The following NCALD variants were observed in gnomAD, a reference collection of about 807,000 sequenced individuals.
NCALD encodes the protein neurocalcin-delta.
In NCALD, 10 loss-of-function variants were observed where a neutral mutation model predicts 18.6. The observed-to-expected ratio is 0.54, with a 90% CI of 0.33 to 0.91. NCALD has a LOEUF of 0.91. NCALD is among the 40% of genes least tolerant of loss of function. NCALD has a pLI of 0.03. For synonymous variants in NCALD, 88 were observed against 87.4 expected, an observed-to-expected ratio of 1.01 and a Z score of -0.04; for missense variants, 184 against 247.6, an observed-to-expected ratio of 0.74 and a Z score of 1.72.
chr8:101,716,975 A>G (rs896898398), intron 2 of NCALD, among the ~76,000 whole-genome samples: 3 of 152,214 alleles, frequency 2.0e-5, no homozygotes, highest in African/African-American at 7.2e-5. Context: ...TCTCCCCAAC[A>G]GCCTCCAGAA....
intron 4 of NCALD, among the ~76,000 whole-genome samples, chr8:101,809,523 A>G (rs1813228872): frequency 6.6e-6 from 1 of 152,098 alleles, no homozygotes; most frequent in Non-Finnish European, 1.5e-5. Flanking sequence ...GTTATAATAG[A>G]ATCTGTGTTT....
At chr8:101,781,439 CA>C (rs1586486916) in intron 1 of NCALD, among the ~76,000 whole-genome samples, 2 of 152,266 alleles carry the variant, frequency 1.3e-5, no homozygotes, top group East Asian at 3.9e-4. Flanking sequence ...TGGGAGGTGA[CA>C]AGGAGCACAA....
At chr8:101,942,806 A>G (rs1431729210) in intron 2 of NCALD, among the ~76,000 whole-genome samples, 7 of 152,224 alleles carry the variant, frequency 4.6e-5, no homozygotes, top group Non-Finnish European at 8.8e-5. Context: ...TAGGTGGTTG[A>G]GCCAGCATTT....
At chr8:101,702,757 T>C (rs755197354) in intron 2 of NCALD, among the ~76,000 whole-genome samples, 6 of 152,208 alleles carry the variant, frequency 3.9e-5, no homozygotes, top group Non-Finnish European at 8.8e-5. Flanking sequence ...TCATGGATAT[T>C]GGAGATACAG....
At chr8:102,084,755 A>G (rs1237893005) in intron 1 of NCALD, among the ~76,000 whole-genome samples, 9 of 152,108 alleles carry the variant, frequency 5.9e-5, no homozygotes. Flanking sequence ...AACTCCGGAG[A>G]TCTTATCAGG....
chr8:102,122,964 A>C (rs1825984802), intron 1 of NCALD, among the ~76,000 whole-genome samples: 1 of 152,238 alleles, frequency 6.6e-6, no homozygotes, highest in South Asian at 2.1e-4. Context: ...CCTCCTCCCC[A>C]GATCTGTCCT....
intron 4 of NCALD, among the ~76,000 whole-genome samples, chr8:101,862,516 C>T (rs1196706412): frequency 6.6e-6 from 1 of 152,138 alleles, no homozygotes; most frequent in African/African-American, 2.4e-5. Flanking sequence ...ATGCTTTTTT[C>T]TAATAGCAAA....
chr8:102,032,919 T>C (rs1434295534), intron 1 of NCALD, among the ~76,000 whole-genome samples: 2 of 152,094 alleles, frequency 1.3e-5, no homozygotes, highest in African/African-American at 4.8e-5. Context: ...ACCATTACTG[T>C]GTGTTCACCC....
At chr8:102,103,446 G>T (rs1334351325) in intron 1 of NCALD, among the ~76,000 whole-genome samples, 2 of 152,170 alleles carry the variant, frequency 1.3e-5, no homozygotes, top group African/African-American at 4.8e-5. Flanking sequence ...GCTCAGGAGG[G>T]TTAAGTAACT....
At chr8:101,894,132 T>G (rs1479315235) in intron 3 of NCALD, among the ~76,000 whole-genome samples, 3 of 142,206 alleles carry the variant, frequency 2.1e-5, no homozygotes. Context: ...CCTCAGCAAA[T>G]GTAAAAGAAC....
intron 1 of NCALD, among the ~76,000 whole-genome samples, chr8:101,772,028 C>G (rs750609817): frequency 2.6e-5 from 4 of 152,018 alleles, no homozygotes; most frequent in Non-Finnish European, 5.9e-5. Flanking sequence ...TGGTAGGGAC[C>G]TGGGAATGAG....
intron 4 of NCALD, among the ~76,000 whole-genome samples, chr8:101,796,576 T>C (rs1170163318): frequency 6.6e-6 from 1 of 151,692 alleles, no homozygotes; most frequent in Admixed American, 6.6e-5. Context: ...GCAGAGAACA[T>C]ACACAAAAAA....
chr8:101,737,400 C>T (rs369281580), intron 1 of NCALD, among the ~76,000 whole-genome samples: 9 of 152,208 alleles, frequency 5.9e-5, no homozygotes, highest in African/African-American at 1.9e-4. Flanking sequence ...TGCTCAGCCT[C>T]TTTAAGGCTC....
intron 4 of NCALD, among the ~76,000 whole-genome samples, chr8:101,841,669 C>T (rs561148474): frequency 4.9e-4 from 74 of 152,288 alleles, no homozygotes; most frequent in Non-Finnish European, 1.0e-4. Flanking sequence ...GTTCTGTAAG[C>T]GTCTATAAGC....
chr8:102,122,878 G>A (rs549134291), intron 1 of NCALD, among the ~76,000 whole-genome samples: 145 of 152,350 alleles, frequency 9.5e-4, no homozygotes, highest in African/African-American at 3.4e-3. Flanking sequence ...CTGAATGGTT[G>A]AGACAGGGGA....
chr8:102,073,257 C>T (rs906096326), intron 1 of NCALD, among the ~76,000 whole-genome samples: 15 of 151,994 alleles, frequency 9.9e-5, no homozygotes, highest in South Asian at 2.1e-4. Flanking sequence ...GCCAAGATCG[C>T]GTCACTGCAT....
chr8:101,825,118 A>G (rs531161658), intron 4 of NCALD, among the ~76,000 whole-genome samples: 2 of 152,306 alleles, frequency 1.3e-5, no homozygotes, highest in South Asian at 4.1e-4. Context: ...CTCCAGACCC[A>G]CAGGTCACCG....
chr8:101,911,807 T>C (rs1480939258), intron 3 of NCALD, among the ~76,000 whole-genome samples: 1 of 152,178 alleles, frequency 6.6e-6, no homozygotes, highest in African/African-American at 2.4e-5. Flanking sequence ...TCTGTTTCGG[T>C]CCCCTAAGAG....
At chr8:101,982,474 C>A (rs1391659188) in intron 2 of NCALD, among the ~76,000 whole-genome samples, 5 of 152,088 alleles carry the variant, frequency 3.3e-5, no homozygotes, top group African/African-American at 1.2e-4. Context: ...ATGTTGAAAG[C>A]CACTGTGCAA....
Sources: allele counts gnomAD v4.1 joint callset (sites outside exome capture counted in the v4.1 genomes callset), GRCh38; gene constraint gnomAD v4.1.1; transcripts MANE v1.5; gene names NCBI Gene and HGNC (gene_info 2026-07-23, HGNC 2026-07-21).